LMCD1: variants seen among roughly 807,000 people sequenced by gnomAD.
LMCD1 encodes LIM and cysteine-rich domains protein 1.
In LMCD1, 32 loss-of-function variants were observed where a neutral mutation model predicts 42.7. That is an observed-to-expected ratio of 0.75 (90% confidence interval 0.57 to 1.01). The LOEUF is 1.01. Among genes scored for constraint, LMCD1 ranks in the 50% least tolerant of loss-of-function variants. LMCD1 has a pLI of 0.00. For synonymous variants in LMCD1, 178 were observed against 184.9 expected (o/e 0.96, Z 0.30); for missense variants, 458 against 483.1 (o/e 0.95, Z 0.49).
rs751928508 is a variant in LMCD1 at position 8,548,660 on chromosome 3, G to A, written c.480G>A (p.Gln160=). ...ACCGCCGCCGCCAGCTCATGCACCA[G>A]CTCCCCATCTATGACCAGGATCCCT... ...AFYRRRQLMH[Q]LPIYDQDPSR... Residue 160 remains glutamine, a synonymous_variant, in exon 4 of 6, where the codon CAG becomes CAA. Transcript: ENST00000157600. 19 of 1,614,068 alleles carry A rather than the reference G, an allele frequency of 1.2e-5. No homozygotes were observed. Among genetic ancestry groups the A allele is most frequent in the Non-Finnish European group, 5.1e-6 (6 of 1,180,046 alleles).
chr3:8,540,806 G>A (rs1273562608), intron 3 of LMCD1, among the ~76,000 whole-genome samples: 1 of 152,216 alleles, frequency 6.6e-6, no homozygotes, highest in Non-Finnish European at 1.5e-5. Flanking sequence ...TGCTGAGTAT[G>A]TTACAGGCTC....
intron 1 of LMCD1, among the ~76,000 whole-genome samples, chr3:8,507,607 A>G (rs994715192): frequency 1.3e-5 from 2 of 152,212 alleles, no homozygotes; most frequent in Non-Finnish European, 2.9e-5. Flanking sequence ...GAGGAAGGAA[A>G]GACATCTCTA....
intron 1 of LMCD1, among the ~76,000 whole-genome samples, chr3:8,502,405 TA>T (rs1693775411): frequency 2.6e-5 from 2 of 76,804 alleles, no homozygotes; most frequent in East Asian, 3.2e-4. Flanking sequence ...AAAATATATA[TA>T]ATATATAATA....
chr3:8,529,452 T>C (rs1052771656), intron 1 of LMCD1, among the ~76,000 whole-genome samples: 1 of 128,086 alleles, frequency 7.8e-6, no homozygotes, highest in Admixed American at 7.5e-5. Context: ...TAGTTTAGCG[T>C]TCTTGCCCAA....
chr3:8,517,368 T>C (rs537575200), intron 1 of LMCD1, among the ~76,000 whole-genome samples: 31 of 152,342 alleles, frequency 2.0e-4, no homozygotes, highest in African/African-American at 6.7e-4. Flanking sequence ...CCCCAAGATA[T>C]CGTATTACAT....
intron 3 of LMCD1, among the ~76,000 whole-genome samples, chr3:8,544,399 C>G (rs1286293787): frequency 2.0e-5 from 3 of 152,146 alleles, no homozygotes; most frequent in Non-Finnish European, 4.4e-5. Context: ...TGCAGACATA[C>G]CTGGGATTAG....
chr3:8,536,692 A>G (rs1004411962), intron 2 of LMCD1, among the ~76,000 whole-genome samples: 1 of 152,226 alleles, frequency 6.6e-6, no homozygotes, highest in Non-Finnish European at 1.5e-5. Flanking sequence ...CAGAAAGTAC[A>G]TATTTTAGGC....
At chr3:8,524,623 G>C (rs759168074) in intron 1 of LMCD1, among the ~76,000 whole-genome samples, 1 of 152,162 alleles carries the variant, frequency 6.6e-6, no homozygotes, top group South Asian at 2.1e-4. Flanking sequence ...CCTTATTGAG[G>C]TATAACTGAC....
chr3:8,514,750 A>T (rs1020790194), intron 1 of LMCD1, among the ~76,000 whole-genome samples: 15 of 152,260 alleles, frequency 9.9e-5, no homozygotes, highest in African/African-American at 1.4e-4. Context: ...AACCAGACAC[A>T]AAAGAATACA....
rs559923661 is a variant in LMCD1 at position 8,568,438 on chromosome 3, G to C, written c.*840G>C. On this transcript the variant is annotated 3_prime_UTR_variant, in exon 6 of 6. Coordinates refer to ENST00000157600, the MANE Select transcript of LMCD1 (RefSeq NM_014583.4). ...GAAAATAGCGAATGAACCCCTCTGG[G>C]AATAAGACCAGTACTGGGAAACCAC... 6.6e-6 allele frequency: 1 copy of C among 152,306 alleles called. No individual in the cohort carries two copies. Among genetic ancestry groups the C allele is most frequent in the South Asian group, 2.1e-4 (1 of 4,822 alleles). The allele number at this position is 152,306 out of a possible 1,614,324, so 9.4% of individuals were successfully genotyped here. A position where few individuals can be genotyped will look rare whatever the true frequency, so the allele number is the denominator to read the frequency against.
At position 8,536,659 on chromosome 3, in the gene LMCD1, T is replaced by C. The variant is rs554279332; in HGVS notation, c.132-526T>C. 6.8e-4 allele frequency among the ~76,000 whole-genome samples: 103 copies of C among 152,362 alleles called. 1 individual carries two copies. The highest frequency in any genetic ancestry group is 2.4e-3 in the African/African-American group (98 of 41,588). ...TTAATAATTCTTTAGAGCAGGAGTT[T>C]GCAAACTTTTTTTGTAAAGGGCCAG... On this transcript the variant is annotated intron_variant, in intron 2 of 5. Coordinates refer to ENST00000157600, the MANE Select transcript of LMCD1 (RefSeq NM_014583.4).
At chr3:8,523,406 G>T (rs1346521568) in intron 1 of LMCD1, among the ~76,000 whole-genome samples, 1 of 152,208 alleles carries the variant, frequency 6.6e-6, no homozygotes, top group Non-Finnish European at 1.5e-5. Context: ...AAGAGCATCT[G>T]TCATATGACC....
intron 3 of LMCD1, among the ~76,000 whole-genome samples, chr3:8,542,845 T>C (rs1694652234): frequency 6.6e-6 from 1 of 152,186 alleles, no homozygotes; most frequent in South Asian, 2.1e-4. Context: ...CCTAGGGTTG[T>C]TGTGAGAATT....
intron 1 of LMCD1, among the ~76,000 whole-genome samples, chr3:8,503,496 A>G (rs544351528): frequency 6.6e-6 from 1 of 152,356 alleles, no homozygotes; most frequent in African/African-American, 2.4e-5. Flanking sequence ...GAAGATACCT[A>G]TTAATTGCTA....
At chr3:8,549,889 G>C (rs73135678) in intron 4 of LMCD1, 15 of 753,796 alleles carry the variant, frequency 2.0e-5, no homozygotes, top group Non-Finnish European at 2.8e-5. Flanking sequence ...AGTCCCACTC[G>C]TGTGATAACC....
chr3:8,516,723 T>C (rs1390094563), intron 1 of LMCD1, among the ~76,000 whole-genome samples: 1 of 152,158 alleles, frequency 6.6e-6, no homozygotes, highest in African/African-American at 2.4e-5. Flanking sequence ...AGAAATTGCT[T>C]TGTTGGTTGA....
At chr3:8,530,211 C>G (rs768712732) in intron 1 of LMCD1, among the ~76,000 whole-genome samples, 1 of 152,230 alleles carries the variant, frequency 6.6e-6, no homozygotes, top group Admixed American at 6.5e-5. Context: ...GGAACCACTT[C>G]GTAACATCTC....
At chr3:8,552,824 C>T (rs1387039199) in intron 4 of LMCD1, among the ~76,000 whole-genome samples, 3 of 152,092 alleles carry the variant, frequency 2.0e-5, no homozygotes, top group Non-Finnish European at 4.4e-5. Flanking sequence ...CCGAGGTTCA[C>T]GCCATTCTCC....
rs1425033866 is a variant in LMCD1 at position 8,502,604 on chromosome 3, ACACG to A, written c.42+631_42+634del. On this transcript the variant is annotated intron_variant, in intron 1 of 5. Transcript: ENST00000157600. ...CACACACACACACACACACACACAC[ACACG>A]CACGCAGTTTCTTTAGTTGGTGATG... 1.6e-4 allele frequency among the ~76,000 whole-genome samples: 21 copies of A among 127,812 alleles called. 1 individual carries two copies. The highest frequency in any genetic ancestry group is 6.5e-4 in the Admixed American group (8 of 12,262). 83.8% of individuals were successfully genotyped at this position (127,812 alleles called of 152,430 possible). A position where few individuals can be genotyped will look rare whatever the true frequency, so the allele number is the denominator to read the frequency against.
Sources: gnomAD v4.1 joint callset for allele counts (sites outside exome capture counted in the v4.1 genomes callset) on GRCh38, gnomAD v4.1.1 for gene constraint, MANE v1.5 for transcripts, NCBI Gene and HGNC (gene_info 2026-07-23, HGNC 2026-07-21) for gene names.